Variants in ATXN1 observed in about 807,000 individuals in gnomAD.
The protein encoded by ATXN1 is ataxin 1, also known as ataxin-1.
ATXN1 carries 8 observed loss-of-function variants against 56.4 expected under a neutral mutation model. The ratio of observed to expected loss-of-function variants is 0.14; its 90% CI spans 0.08 to 0.26. ATXN1 has a LOEUF of 0.26. ATXN1 is among the 10% of genes least tolerant of loss of function. The pLI is 1.00. For missense variants in ATXN1, 987 were observed against 1,106.5 expected (o/e 0.89, Z 1.53); for synonymous variants, 514 against 494.6 (o/e 1.04, Z -0.52).
At chr6:16,631,835 T>C (rs1254135155) in intron 3 of ATXN1, among the ~76,000 whole-genome samples, 1 of 152,158 alleles carries the variant, frequency 6.6e-6, no homozygotes, top group East Asian at 1.9e-4. Context: ...TTTGCCATGA[T>C]ATAACTAAAA....
intron 2 of ATXN1, among the ~76,000 whole-genome samples, chr6:16,730,907 G>A (rs1444017186): frequency 6.6e-6 from 1 of 152,128 alleles, no homozygotes; most frequent in African/African-American, 2.4e-5. Context: ...ATGCTGCAGG[G>A]TGAAATTTTG....
chr6:16,628,279 T>C (rs1763442191), intron 3 of ATXN1, among the ~76,000 whole-genome samples: 1 of 152,204 alleles, frequency 6.6e-6, no homozygotes, highest in Admixed American at 6.5e-5. Context: ...TTTGTTTTGT[T>C]TCCCCAAGGC....
chr6:16,670,915 A>G (rs189377763), intron 2 of ATXN1, among the ~76,000 whole-genome samples: 5 of 152,350 alleles, frequency 3.3e-5, no homozygotes, highest in Admixed American at 6.5e-5. Context: ...ACTCAATTTT[A>G]TATTTCATTT....
intron 4 of ATXN1, 80 bp downstream of exon 4, chr6:16,585,700 G>C (rs1174405455): frequency 6.6e-6 from 1 of 152,162 alleles, no homozygotes; most frequent in African/African-American, 2.4e-5. Flanking sequence ...GACCAGATAT[G>C]TATACACCCC....
rs916027341 is a variant in ATXN1, at chr6:16,327,601, C to A, written c.710G>T (p.Gly237Val). The change falls in exon 7 of 8, where the codon GGG becomes GTG. Residue 237 changes from glycine (G) to valine (V), a missense_variant. Physicochemically the swap from Gly to Val is moderately radical, Grantham distance 109. Coordinates refer to ENST00000436367, the MANE Select transcript of ATXN1 (RefSeq NM_001128164.2). ...GTTCTGCTGGGCTGGTGGGGGGGACCCCGGGGTGATGAGCCCCGGAGCCCT... is the reference window on the plus strand; with the variant it reads ...GTTCTGCTGGGCTGGTGGGGGGGACACCGGGGTGATGAGCCCCGGAGCCCT... ...LSRAPGLITP[G>V]SPPPAQQNQY... 6.3e-7 allele frequency: 1 copy of A among 1,592,458 alleles called. No homozygotes were observed. Among genetic ancestry groups the A allele is most frequent in the East Asian group, 2.3e-5 (1 of 43,870 alleles).
At chr6:16,701,511 A>G (rs1256970423) in intron 2 of ATXN1, among the ~76,000 whole-genome samples, 2 of 152,230 alleles carry the variant, frequency 1.3e-5, no homozygotes, top group Non-Finnish European at 2.9e-5. Context: ...AAGGAAATAA[A>G]GAGTATTCAA....
At chr6:16,686,955 T>G (rs564426261) in intron 2 of ATXN1, among the ~76,000 whole-genome samples, 1 of 152,326 alleles carries the variant, frequency 6.6e-6, no homozygotes, top group South Asian at 2.1e-4. Context: ...TGTAATTCCA[T>G]CTAGTGTTTA....
At chr6:16,324,931 T>C (rs956911039) in intron 7 of ATXN1, among the ~76,000 whole-genome samples, 2 of 152,178 alleles carry the variant, frequency 1.3e-5, no homozygotes, top group Non-Finnish European at 2.9e-5. Context: ...TAGTGTCTTG[T>C]GGATCCCAGA....
chr6:16,573,697 C>T (rs1762372066), intron 4 of ATXN1, among the ~76,000 whole-genome samples: 1 of 152,200 alleles, frequency 6.6e-6, no homozygotes, highest in African/African-American at 2.4e-5. Context: ...ATACCAATCT[C>T]CAGCAATGCA....
intron 2 of ATXN1, among the ~76,000 whole-genome samples, chr6:16,702,450 A>G (rs537120416): frequency 6.6e-6 from 1 of 152,356 alleles, no homozygotes; most frequent in South Asian, 2.1e-4. Context: ...CTAAAACACC[A>G]AAAGCAATGG....
At chr6:16,536,169 A>C (rs768017976) in intron 4 of ATXN1, among the ~76,000 whole-genome samples, 7 of 152,150 alleles carry the variant, frequency 4.6e-5, no homozygotes, top group African/African-American at 9.7e-5. Context: ...GTGAGCTGAG[A>C]TCGTACCACT....
At chr6:16,635,913 C>A (rs1001548845) in intron 3 of ATXN1, among the ~76,000 whole-genome samples, 7 of 152,158 alleles carry the variant, frequency 4.6e-5, no homozygotes, top group African/African-American at 1.4e-4. Context: ...CAGCACAGTC[C>A]GTGCAAGGGA....
At position 16,328,492 on chromosome 6, in the gene ATXN1, T is replaced by G; in HGVS notation, c.-160-22A>C. 1 of 1,135,876 alleles carries G rather than the reference T, an allele frequency of 8.8e-7. No homozygotes were observed. Among genetic ancestry groups the G allele is most frequent in the Admixed American group, 3.6e-5 (1 of 27,718 alleles). The allele number at this position is 1,135,876 out of a possible 1,614,324, so 70.4% of individuals were successfully genotyped here. A position where few individuals can be genotyped will look rare whatever the true frequency, so the allele number is the denominator to read the frequency against. On this transcript the variant is annotated intron_variant, in intron 6 of 7. Transcript: ENST00000436367. This position sits in a 1 kb window ranked among gnomAD's most constrained non-coding sequence, Gnocchi z 6.2. ...GATGCTGGGAAAGGGAAGAGGGCAG[T>G]GACAAAGGGAAAAGGAAAGGGAGGA...
intron 3 of ATXN1, among the ~76,000 whole-genome samples, chr6:16,604,836 T>G (rs1762975542): frequency 6.6e-6 from 1 of 152,104 alleles, no homozygotes; most frequent in Admixed American, 6.5e-5. Flanking sequence ...TCCTCCCACT[T>G]TGGCTTCACA....
intron 2 of ATXN1, among the ~76,000 whole-genome samples, chr6:16,716,645 T>C (rs1345517611): frequency 6.6e-6 from 1 of 152,226 alleles, no homozygotes; most frequent in Admixed American, 6.5e-5. Flanking sequence ...CATTTTCTGA[T>C]GAGGATCAGA....
At chr6:16,592,876 G>C (rs1762747692) in intron 3 of ATXN1, among the ~76,000 whole-genome samples, 1 of 143,600 alleles carries the variant, frequency 7.0e-6, no homozygotes, top group South Asian at 2.2e-4. Context: ...GGGTGGGGGT[G>C]GGGGGTTGGG....
At chr6:16,606,183 A>G (rs905288895) in intron 3 of ATXN1, among the ~76,000 whole-genome samples, 1 of 13,648 alleles carries the variant, frequency 7.3e-5, no homozygotes. Flanking sequence ...CAATTAACTC[A>G]AAGAGTTATG....
rs1220441916 is a variant in ATXN1 at position 16,638,389 on chromosome 6, T to C, written c.-489+19387A>G. Among the ~76,000 whole-genome samples the C allele has an allele frequency of 2.8e-5, 4 of 143,678 alleles. No individual in the cohort carries two copies. In the Admixed American group the frequency reaches 3.0e-4, roughly 11 times the overall value. The allele number at this position is 143,678 out of a possible 152,430, so 94.3% of individuals were successfully genotyped here. A position where few individuals can be genotyped will look rare whatever the true frequency, so the allele number is the denominator to read the frequency against. On this transcript the variant is annotated intron_variant, in intron 3 of 7. Coordinates refer to ENST00000436367, the MANE Select transcript of ATXN1 (RefSeq NM_001128164.2). Reference sequence around the variant, plus strand: ...TGAGCCTGGGAGGTTGAGGCTGCAGTGAGCCAAGATCACAACACTGCAATC... The same window carrying C: ...TGAGCCTGGGAGGTTGAGGCTGCAGCGAGCCAAGATCACAACACTGCAATC...
intron 2 of ATXN1, among the ~76,000 whole-genome samples, chr6:16,710,414 A>G (rs1008492901): frequency 2.0e-5 from 3 of 152,120 alleles, no homozygotes; most frequent in African/African-American, 7.2e-5. Flanking sequence ...CTAACTTCTA[A>G]CAGGCTTTTT....
Sources: allele counts gnomAD v4.1 joint callset (sites outside exome capture counted in the v4.1 genomes callset), GRCh38; gene constraint gnomAD v4.1.1; non-coding constraint Gnocchi (gnomAD v3.1); transcripts MANE v1.5; gene names NCBI Gene and HGNC (gene_info 2026-07-23, HGNC 2026-07-21).